The following POT1 variants were observed in gnomAD, a reference collection of about 807,000 sequenced individuals.
The protein encoded by POT1 is protection of telomeres protein 1.
Under a neutral mutation model 78.5 loss-of-function variants are expected in POT1, and 47 were observed. The ratio of observed to expected loss-of-function variants is 0.60; its 90% CI spans 0.47 to 0.76. The LOEUF (loss-of-function observed/expected upper bound fraction) is 0.76, where lower values mean the gene tolerates loss of function less well. Ranked by LOEUF, POT1 falls within the 30% of genes least tolerant of loss-of-function variation. The pLI, the probability that POT1 is intolerant of heterozygous loss-of-function variation, is 0.00. For synonymous variants in POT1, 259 were observed against 260.7 expected, an observed-to-expected ratio of 0.99 and a Z score of 0.06; for missense variants, 646 against 749.9, an observed-to-expected ratio of 0.86 and a Z score of 1.62.
chr7:124,855,593 T>C (rs555410390), intron 9 of POT1, among the ~76,000 whole-genome samples: 1 of 150,542 alleles, frequency 6.6e-6, no homozygotes. Flanking sequence ...AAAATACAAA[T>C]GAAACATCAA....
rs1795518878 is a variant in POT1, at chr7:124,859,093, G to A, written c.566C>T (p.Thr189Ile). The change falls in exon 9 of 19, where the codon ACA becomes ATA. Residue 189 changes from threonine to isoleucine, a missense_variant. By Grantham distance (89) the Thr-to-Ile change is moderately conservative (BLOSUM62 -1). Transcript: ENST00000357628. Reference protein sequence around the residue: ...FLLKVWDGTRTPFPSWRVLIQ... With the variant: ...FLLKVWDGTRIPFPSWRVLIQ... ...TAAGACTCTCCAAGATGGAAATGGT[G>A]TCCTGGTGCCATCCCATACCTGCCA... 1 of 1,599,184 alleles carries A rather than the reference G, an allele frequency of 6.3e-7. No homozygotes were observed.
At chr7:124,915,028 T>C (rs1796984663) in intron 3 of POT1, among the ~76,000 whole-genome samples, 2 of 152,348 alleles carry the variant, frequency 1.3e-5, no homozygotes, top group South Asian at 4.1e-4. Flanking sequence ...CTTTATGTAA[T>C]TATTCACTGC....
At chr7:124,852,886 A>G in intron 10 of POT1, 86 bp downstream of exon 10, 1 of 1,207,552 alleles carries the variant, frequency 8.3e-7, no homozygotes, top group South Asian at 1.6e-5. Context: ...AGGCTAGGGA[A>G]CTATCAGAAG....
chr7:124,829,222 T>C (rs1392670794), intron 16 of POT1, 32 bp downstream of exon 16: 1 of 1,440,784 alleles, frequency 6.9e-7, no homozygotes, highest in Non-Finnish European at 9.7e-7. Context: ...AAACAAACAG[T>C]TAAAATTGCA....
chr7:124,827,559 T>C lies in POT1; in HGVS notation c.1595-254A>G, dbSNP rs114685329. Among the ~76,000 whole-genome samples the C allele has an allele frequency of 0.017, 2,600 of 152,256 alleles. 73 individuals carry two copies. The highest frequency in any genetic ancestry group is 0.059 in the African/African-American group (2,451 of 41,532). On this transcript the variant is annotated intron_variant, in intron 16 of 18. Coordinates refer to ENST00000357628, the MANE Select transcript of POT1 (RefSeq NM_015450.3). Reference sequence around the variant, plus strand: ...ACCCCTATGCATTTGGTCACATAAGTCTTCTGCGCTGATTGCTGTGGTGGC... The same window carrying C: ...ACCCCTATGCATTTGGTCACATAAGCCTTCTGCGCTGATTGCTGTGGTGGC...
chr7:124,837,601 C>A (rs900436066), intron 14 of POT1, among the ~76,000 whole-genome samples: 1 of 151,904 alleles, frequency 6.6e-6, no homozygotes, highest in Non-Finnish European at 1.5e-5. Context: ...AAAAAAGTCA[C>A]CAGGCTCAGA....
intron 15 of POT1, among the ~76,000 whole-genome samples, chr7:124,831,999 T>TAAAA (rs752861454): frequency 4.0e-5 from 3 of 75,648 alleles, no homozygotes; most frequent in African/African-American, 8.4e-5. Context: ...TTCTTAAAAA[T>TAAAA]AAAAAAAAAA....
At chr7:124,899,338 C>T (rs949404846) in intron 3 of POT1, among the ~76,000 whole-genome samples, 3 of 152,102 alleles carry the variant, frequency 2.0e-5, no homozygotes, top group Admixed American at 2.0e-4. Flanking sequence ...TTGCCCTAAC[C>T]AGGTATTGTA....
chr7:124,830,318 T>C (rs1189912260), intron 15 of POT1, among the ~76,000 whole-genome samples: 1 of 152,020 alleles, frequency 6.6e-6, no homozygotes, highest in Non-Finnish European at 1.5e-5. Flanking sequence ...GATAAGAAAA[T>C]ATACTTGAAA....
At chr7:124,890,537 G>C (rs1428613833) in intron 6 of POT1, among the ~76,000 whole-genome samples, 1 of 151,822 alleles carries the variant, frequency 6.6e-6, no homozygotes, top group Non-Finnish European at 1.5e-5. Flanking sequence ...TTTGTAAAAG[G>C]AAGAGTCAAT....
chr7:124,858,794 A>G, intron 9 of POT1, 163 bp downstream of exon 9: 1 of 447,358 alleles, frequency 2.2e-6, no homozygotes, highest in Admixed American at 4.1e-5. Flanking sequence ...ATCTTTTAAT[A>G]ATTTATTGTA....
chr7:124,898,937 C>T (rs1048193929), intron 3 of POT1, among the ~76,000 whole-genome samples: 8 of 152,124 alleles, frequency 5.3e-5, no homozygotes, highest in African/African-American at 1.9e-4. Flanking sequence ...ATTTCCTTTT[C>T]TTATTTTCCA....
chr7:124,877,315 G>A (rs1796011475), intron 6 of POT1, among the ~76,000 whole-genome samples: 1 of 152,090 alleles, frequency 6.6e-6, no homozygotes. Flanking sequence ...AAAGACAGAT[G>A]AAGAACATTT....
At chr7:124,835,193 G>C (rs1450986054) in intron 15 of POT1, 86 bp downstream of exon 15, 1 of 1,499,974 alleles carries the variant, frequency 6.7e-7, no homozygotes, top group East Asian at 2.3e-5. Context: ...GTATACCTAC[G>C]TAACAAACCT....
At chr7:124,859,642 T>G (rs1480560242) in intron 8 of POT1, among the ~76,000 whole-genome samples, 2 of 151,840 alleles carry the variant, frequency 1.3e-5, no homozygotes, top group Non-Finnish European at 2.9e-5. Context: ...ATTATGCTTT[T>G]TCTTCTCCAA....
Position 124,876,634 on chromosome 7 carries a change from A to C in POT1, c.125-5593T>G, listed in dbSNP as rs764963957. Among the ~76,000 whole-genome samples, 5 of 152,282 alleles carry C rather than the reference A, an allele frequency of 3.3e-5. No homozygotes were observed. The South Asian group carries it at 1.0e-3, about 32-fold the overall frequency. ...GGTTCAAAACTCAGGGGCACTGAAC[A>C]TATGTACCATTACTGAAGTATACAG... On this transcript the variant is annotated intron_variant, in intron 6 of 18. Coordinates refer to ENST00000357628, the MANE Select transcript of POT1 (RefSeq NM_015450.3).
chr7:124,892,026 G>A (rs536809085), intron 6 of POT1, among the ~76,000 whole-genome samples: 7 of 151,444 alleles, frequency 4.6e-5, no homozygotes, highest in African/African-American at 9.7e-5. Flanking sequence ...ATGGTTTCAC[G>A]TTGCTGTTTG....
rs376637966 is a variant in POT1, at chr7:124,842,980, T to C, written c.1007-17A>G. On this transcript the variant is annotated splice_polypyrimidine_tract_variant and intron_variant, in intron 12 of 18. Coordinates refer to ENST00000357628, the MANE Select transcript of POT1 (RefSeq NM_015450.3). ...CTGTAAGTACTGTAAAGAATTTTTA[T>C]ATTCAATCAGAATAACAAGAATCAT... is the stretch of plus-strand genomic sequence containing the variant. 1.1e-5 allele frequency: 17 copies of C among 1,505,936 alleles called. No homozygotes were observed. Among genetic ancestry groups the C allele is most frequent in the Non-Finnish European group, 1.3e-5 (15 of 1,118,646 alleles). The allele number at this position is 1,505,936 out of a possible 1,614,324, so 93.3% of individuals were successfully genotyped here.
intron 12 of POT1, among the ~76,000 whole-genome samples, chr7:124,843,946 C>A (rs1359618437): frequency 1.3e-5 from 2 of 152,090 alleles, no homozygotes. Flanking sequence ...AGTAATTACA[C>A]CTCTTTTCAA....
Sources: gnomAD v4.1 joint callset for allele counts (sites outside exome capture counted in the v4.1 genomes callset) on GRCh38, gnomAD v4.1.1 for gene constraint, MANE v1.5 for transcripts, NCBI Gene and HGNC (gene_info 2026-07-23, HGNC 2026-07-21) for gene names.